Variants in TRIM2 observed in about 807,000 individuals in gnomAD.
TRIM2 encodes tripartite motif containing 2, also known as tripartite motif-containing protein 2.
In TRIM2, 20 loss-of-function variants were observed where a neutral mutation model predicts 75.2. The observed-to-expected ratio is 0.27, with a 90% CI of 0.19 to 0.39. TRIM2 has a LOEUF of 0.39. Ranked by LOEUF, TRIM2 falls within the 10% of genes least tolerant of loss-of-function variation. TRIM2 has a pLI of 1.00. For missense variants in TRIM2, 660 were observed against 990.8 expected, an observed-to-expected ratio of 0.67 and a Z score of 4.48; for synonymous variants, 373 against 388.3, an observed-to-expected ratio of 0.96 and a Z score of 0.46.
At chr4:153,262,795 G>A (rs1170766493) in intron 1 of TRIM2, among the ~76,000 whole-genome samples, 14 of 152,082 alleles carry the variant, frequency 9.2e-5, no homozygotes, top group Non-Finnish European at 1.9e-4. Flanking sequence ...AAGTTAGTTC[G>A]GCCTACATCT....
chr4:153,244,296 TCCTCCTCCTCCTCCTCCTCC>T lies in TRIM2; in HGVS notation c.31-26038_31-26019del, dbSNP rs1560873554. ...CTCCTCCTCCTCCTCCTCCTCCTCC[TCCTCCTCCTCCTCCTCCTCC>T]TCCTCTTCTTCTTCTTCTTCTTCTT... is the stretch of plus-strand genomic sequence containing the variant. On this transcript the variant is annotated intron_variant, in intron 1 of 11. Coordinates refer to ENST00000338700, the MANE Select transcript of TRIM2 (RefSeq NM_015271.5). 3.4e-4 allele frequency among the ~76,000 whole-genome samples: 12 copies of T among 35,776 alleles called. 2 individuals are homozygous for T. The highest frequency in any genetic ancestry group is 2.1e-3 in the South Asian group (1 of 480). The allele number at this position is 35,776 out of a possible 152,430, so 23.5% of individuals were successfully genotyped here.
intron 2 of TRIM2, among the ~76,000 whole-genome samples, chr4:153,271,301 T>C (rs1423297100): frequency 6.6e-6 from 1 of 152,234 alleles, no homozygotes; most frequent in Non-Finnish European, 1.5e-5. Flanking sequence ...TACATTTTTA[T>C]CATTATTTAA....
chr4:153,315,439 C>A, intron 6 of TRIM2, 46 bp from the exon 7 acceptor site: 1 of 1,442,808 alleles, frequency 6.9e-7, no homozygotes, highest in Non-Finnish European at 9.5e-7. Context: ...ACAGAGAAAT[C>A]TAACCCTTTA....
At chr4:153,202,345 C>T (rs531226945), upstream of TRIM2, among the ~76,000 whole-genome samples, 2 of 152,244 alleles carry the variant, frequency 1.3e-5, no homozygotes, top group South Asian at 2.1e-4. Flanking sequence ...TTATGCAATG[C>T]CACACAATCA....
At chr4:153,194,276 T>C (rs567107317) in intron 1 of TRIM2, among the ~76,000 whole-genome samples, 5 of 152,240 alleles carry the variant, frequency 3.3e-5, no homozygotes, top group Non-Finnish European at 7.3e-5. Flanking sequence ...TTAAAACTTC[T>C]TTAAGAAGTG....
chr4:153,185,396 A>G lies in TRIM2; in HGVS notation c.-49+32126A>G, dbSNP rs554813050. Reference sequence around the variant, plus strand: ...TTCACTGCATTGGCCTTTTTACACCATGTTTACTCAGTTTCAACCTTACTT... The same window carrying G: ...TTCACTGCATTGGCCTTTTTACACCGTGTTTACTCAGTTTCAACCTTACTT... On this transcript the variant is annotated intron_variant, in intron 1 of 11. Transcript: ENST00000437508. Among the ~76,000 whole-genome samples, 18 of 151,518 alleles carry G rather than the reference A, an allele frequency of 1.2e-4. No individual in the cohort carries two copies. The South Asian group carries it at 2.3e-3, about 19-fold the overall frequency.
chr4:153,259,706 G>GTAGT (rs1457594062), intron 1 of TRIM2, among the ~76,000 whole-genome samples: 2 of 152,118 alleles, frequency 1.3e-5, no homozygotes, highest in Admixed American at 6.6e-5. Flanking sequence ...TATAAAGGCT[G>GTAGT]TAGTTCAGAG....
chr4:153,339,078 C>T lies in TRIM2; in HGVS notation c.*4112C>T, dbSNP rs1171886218. 2 of 985,248 alleles carry T rather than the reference C, an allele frequency of 2.0e-6. No individual in the cohort carries two copies. The highest frequency in any genetic ancestry group is 1.2e-6 in the Non-Finnish European group (1 of 829,844). 61.0% of individuals were successfully genotyped at this position (985,248 alleles called of 1,614,324 possible). Reference sequence around the variant, plus strand: ...TCTGACATTGATACTGATATATTCTCGTCATTTGTTCTTTTATGAATCAAA... The same window carrying T: ...TCTGACATTGATACTGATATATTCTTGTCATTTGTTCTTTTATGAATCAAA... On this transcript the variant is annotated 3_prime_UTR_variant, in exon 12 of 12. Coordinates refer to ENST00000338700, the MANE Select transcript of TRIM2 (RefSeq NM_015271.5).
Position 153,294,471 on chromosome 4 carries a change from G to A in TRIM2, c.772G>A (p.Gly258Ser), listed in dbSNP as rs1212643787. 1 of 1,613,744 alleles carries A rather than the reference G, an allele frequency of 6.2e-7. No homozygotes were observed. ...GCTTATGGAATTGGAGGTCAACTATGGCCTCAAACACAAAGTAAGACCAGA... is the reference window on the plus strand; with the variant it reads ...GCTTATGGAATTGGAGGTCAACTATAGCCTCAAACACAAAGTAAGACCAGA... ...VLLMELEVNY[G>S]LKHKVLQSQL... Residue 258 changes from glycine (G) to serine (S), a missense_variant, in exon 5 of 12, where the codon GGC becomes AGC. Around this residue, in one of 2 missense-constraint regions of TRIM2, gnomAD observed 620 missense variants for 891.0 expected, o/e 0.70. Transcript: ENST00000338700.
chr4:153,308,016 C>T, intron 6 of TRIM2: 2 of 767,914 alleles, frequency 2.6e-6, no homozygotes, highest in Non-Finnish European at 4.9e-6. Flanking sequence ...TTCCAGGTCT[C>T]CTTTAACCTC....
At chr4:153,236,660 T>TTTCTTTTCTTTTC (rs1745118553) in intron 1 of TRIM2, among the ~76,000 whole-genome samples, 1 of 145,794 alleles carries the variant, frequency 6.9e-6, no homozygotes, top group African/African-American at 2.7e-5. Context: ...ATTGTGTCTT[T>TTTCTTTTCTTTTC]TTCTTTTCTT....
intron 1 of TRIM2, among the ~76,000 whole-genome samples, chr4:153,250,544 G>A (rs1049852208): frequency 3.3e-5 from 5 of 152,204 alleles, no homozygotes; most frequent in Non-Finnish European, 7.3e-5. Flanking sequence ...AAGAATAAAT[G>A]ATACCAGACC....
At chr4:153,196,638 G>T (rs977698373) in intron 1 of TRIM2, among the ~76,000 whole-genome samples, 6 of 152,162 alleles carry the variant, frequency 3.9e-5, no homozygotes, top group African/African-American at 1.4e-4. Flanking sequence ...CACTTTCCAA[G>T]GGGTGGCTCT....
At chr4:153,329,560 G>A (rs1476798735) in intron 11 of TRIM2, among the ~76,000 whole-genome samples, 2 of 151,794 alleles carry the variant, frequency 1.3e-5, no homozygotes, top group Admixed American at 1.3e-4. Flanking sequence ...TAAAGGCTGG[G>A]CGCTGTGGCT....
chr4:153,337,307 T>C lies in TRIM2; in HGVS notation c.*2341T>C. Reference sequence around the variant, plus strand: ...CAACATTTCAATTATATTTGTGAACTTAGAAATTAACTTACAATCTAACCA... The same window carrying C: ...CAACATTTCAATTATATTTGTGAACCTAGAAATTAACTTACAATCTAACCA... On this transcript the variant is annotated 3_prime_UTR_variant, in exon 12 of 12. Transcript: ENST00000338700. The C allele has an allele frequency of 1.0e-6, 1 of 985,854 alleles. No individual in the cohort carries two copies. Among genetic ancestry groups the C allele is most frequent in the Non-Finnish European group, 1.2e-6 (1 of 829,918 alleles). The allele number at this position is 985,854 out of a possible 1,614,324, so 61.1% of individuals were successfully genotyped here.
chr4:153,278,565 G>A (rs534055282), intron 3 of TRIM2, among the ~76,000 whole-genome samples: 12 of 152,286 alleles, frequency 7.9e-5, no homozygotes, highest in Non-Finnish European at 1.6e-4. Flanking sequence ...TTGGGAGGCT[G>A]AGGCAAGCCA....
rs1232444857 is a variant in TRIM2 at position 153,244,360 on chromosome 4, CTT to C, written c.31-25974_31-25973del. 1.5e-3 allele frequency among the ~76,000 whole-genome samples: 44 copies of C among 28,742 alleles called. 5 individuals are homozygous for C. The highest frequency in any genetic ancestry group is 4.8e-3 in the African/African-American group (17 of 3,562). 18.9% of individuals were successfully genotyped at this position (28,742 alleles called of 152,430 possible). A position where few individuals can be genotyped will look rare whatever the true frequency, so the allele number is the denominator to read the frequency against. On this transcript the variant is annotated intron_variant, in intron 1 of 11. Transcript: ENST00000338700. ...TCTTCTTCTTCTTCTTCTTCCTCTT[CTT>C]CTTCTTCTTCTTCTTCTTCTTCTTC...
intron 1 of TRIM2, among the ~76,000 whole-genome samples, chr4:153,229,618 C>G (rs186263255): frequency 9.4e-4 from 143 of 152,200 alleles, no homozygotes; most frequent in Admixed American, 2.7e-3. Flanking sequence ...TGTTAAAAAG[C>G]CTTTAAACAT....
chr4:153,162,355 C>A (rs1172912699), intron 1 of TRIM2, among the ~76,000 whole-genome samples: 1 of 152,156 alleles, frequency 6.6e-6, no homozygotes, highest in Non-Finnish European at 1.5e-5. Flanking sequence ...GGGCAGCATG[C>A]TAGAGACCCA....
Sources: allele counts gnomAD v4.1 joint callset (sites outside exome capture counted in the v4.1 genomes callset), GRCh38; gene constraint gnomAD v4.1.1; regional missense constraint gnomAD v4.1.1; transcripts MANE v1.5; gene names NCBI Gene and HGNC (gene_info 2026-07-23, HGNC 2026-07-21).